SYNJ1: variants seen among roughly 807,000 people sequenced by gnomAD.
SYNJ1 encodes synaptojanin 1.
In SYNJ1, 78 loss-of-function variants were observed where a neutral mutation model predicts 168.2. The observed-to-expected ratio is 0.46, with a 90% confidence interval of 0.39 to 0.56. The LOEUF is 0.56. Ranked by LOEUF, SYNJ1 falls within the 20% of genes least tolerant of loss-of-function variation. SYNJ1 has a pLI of 0.00. For synonymous variants in SYNJ1, 539 were observed against 548.6 expected, an observed-to-expected ratio of 0.98 and a Z score of 0.24; for missense variants, 1,303 against 1,597.6, an observed-to-expected ratio of 0.82 and a Z score of 3.14.
At chr21:32,707,283 CTTTTTTTTT>C (rs367843525) in intron 2 of SYNJ1, among the ~76,000 whole-genome samples, 17 of 130,582 alleles carry the variant, frequency 1.3e-4, no homozygotes, top group Admixed American at 4.7e-4. Flanking sequence ...TTTCTTTTTC[CTTTTTTTTT>C]TTTTTTTTTT....
intron 26 of SYNJ1, among the ~76,000 whole-genome samples, chr21:32,643,830 A>C (rs1487907083): frequency 6.6e-6 from 1 of 152,230 alleles, no homozygotes. Flanking sequence ...AGAAATCATA[A>C]ATTTCTATGA....
intron 16 of SYNJ1, 101 bp downstream of exon 16, chr21:32,666,332 G>C (rs973517223): frequency 4.6e-5 from 69 of 1,500,750 alleles, no homozygotes; most frequent in Non-Finnish European, 6.1e-5. Flanking sequence ...AAGAACTATG[G>C]ATAGTTTTTG....
rs111811958 is a variant in SYNJ1, at chr21:32,703,736, TA to T, written c.125-1690del. Among the ~76,000 whole-genome samples, 11 of 151,886 alleles carry T rather than the reference TA, an allele frequency of 7.2e-5. 1 individual carries two copies. Among genetic ancestry groups the T allele is most frequent in the East Asian group, 3.9e-4 (2 of 5,180 alleles). On this transcript the variant is annotated intron_variant, in intron 2 of 32. Transcript: ENST00000674351. The stretch of plus-strand genomic sequence containing the variant: ...GAAAATATAGTTTTATTTTTATTTT[TA>T]TTTTTTTTTTTTGAGACAGAGGCTG...
intron 6 of SYNJ1, among the ~76,000 whole-genome samples, chr21:32,693,972 TATAA>T (rs1259529902): frequency 6.6e-6 from 1 of 152,150 alleles, no homozygotes; most frequent in Non-Finnish European, 1.5e-5. Flanking sequence ...ATCAATACAC[TATAA>T]AGACTTCAAA....
At chr21:32,661,708 A>G (rs1355800275) in intron 18 of SYNJ1, among the ~76,000 whole-genome samples, 1 of 152,168 alleles carries the variant, frequency 6.6e-6, no homozygotes, top group Admixed American at 6.5e-5. Flanking sequence ...AACAGGATTA[A>G]AATGGATACA....
intron 2 of SYNJ1, among the ~76,000 whole-genome samples, chr21:32,705,378 C>T (rs766597468): frequency 2.6e-5 from 4 of 152,146 alleles, no homozygotes; most frequent in Non-Finnish European, 5.9e-5. Context: ...GAACTACTAG[C>T]ATTCCTTGGA....
intron 13 of SYNJ1, among the ~76,000 whole-genome samples, chr21:32,675,348 A>G (rs970006439): frequency 6.6e-6 from 1 of 152,182 alleles, no homozygotes; most frequent in Non-Finnish European, 1.5e-5. Context: ...TTTATTCTTA[A>G]CTGGTGCCAC....
At chr21:32,703,981 G>A (rs369779875) in intron 2 of SYNJ1, among the ~76,000 whole-genome samples, 4 of 152,136 alleles carry the variant, frequency 2.6e-5, no homozygotes, top group Admixed American at 6.5e-5. Flanking sequence ...TGAGCCTCTC[G>A]AAGTGCTAGG....
chr21:32,720,188 G>A (rs1212723572), intron 2 of SYNJ1, among the ~76,000 whole-genome samples: 2 of 152,136 alleles, frequency 1.3e-5, no homozygotes, highest in African/African-American at 2.4e-5. Flanking sequence ...GCAGTGAGCC[G>A]AGATCGCACC....
intron 14 of SYNJ1, among the ~76,000 whole-genome samples, chr21:32,673,001 T>C (rs571680101): frequency 4.7e-4 from 71 of 152,158 alleles, no homozygotes; most frequent in Non-Finnish European, 9.3e-4. Flanking sequence ...TCTTGGTTTA[T>C]GTCCATTTAA....
At chr21:32,724,271 T>C (rs2043362467) in intron 2 of SYNJ1, among the ~76,000 whole-genome samples, 1 of 152,210 alleles carries the variant, frequency 6.6e-6, no homozygotes, top group Non-Finnish European at 1.5e-5. Context: ...GCGAATCACC[T>C]GAGGTCAGGA....
chr21:32,699,606 C>G (rs2042327547), intron 4 of SYNJ1, among the ~76,000 whole-genome samples: 1 of 152,152 alleles, frequency 6.6e-6, no homozygotes, highest in Admixed American at 6.5e-5. Context: ...CGTGCCTGCT[C>G]ATATCTGACT....
chr21:32,699,854 C>A lies in SYNJ1; in HGVS notation c.463G>T (p.Asp155Tyr). The A allele has an allele frequency of 1.2e-6, 2 of 1,611,668 alleles. No homozygotes were observed. Among genetic ancestry groups the A allele is most frequent in the South Asian group, 2.2e-5 (2 of 90,678 alleles). ...TGAACTCACCAGAAAAATCTATTAT[C>A]AGTTGTCTGTTCTTGCATGCTACGA... ...AHRSMQEQTT[D>Y]NRFFWNQSLH... The change falls in exon 4 of 33, where the codon GAT becomes TAT. Residue 155 changes from aspartate (D) to tyrosine (Y), a missense_variant. This residue lies in a region of SYNJ1 where 920 missense variants were observed against 1,208.8 expected (regional missense o/e 0.76). Coordinates refer to ENST00000674351, the MANE Select transcript of SYNJ1 (RefSeq NM_203446.3).
chr21:32,698,211 T>A (rs1224996009), intron 4 of SYNJ1, among the ~76,000 whole-genome samples: 2 of 151,998 alleles, frequency 1.3e-5, no homozygotes, highest in East Asian at 3.8e-4. Context: ...CATAATGCTA[T>A]AAACCCTGTT....
chr21:32,638,982 C>G lies in SYNJ1; in HGVS notation c.3841G>C (p.Glu1281Gln). 1 of 1,613,792 alleles carries G rather than the reference C, an allele frequency of 6.2e-7. No individual in the cohort carries two copies. The highest frequency in any genetic ancestry group is 8.5e-7 in the Non-Finnish European group (1 of 1,179,870). ...CGAGGTGGTGGTTGTGGTGGGGTTT[C>G]CAAATTTGGCTGGGGGCCAGACTGA... The part of the protein sequence containing the change: ...MPQSGPQPNL[E>Q]TPPQPPPRSR... The change falls in exon 31 of 33, where the codon GAA becomes CAA. Residue 1281 changes from glutamate to glutamine, a missense_variant. Physicochemically the swap from Glu to Gln is conservative, Grantham distance 29. This residue lies in a region of SYNJ1 where 383 missense variants were observed against 388.8 expected (regional missense o/e 0.99). Coordinates refer to ENST00000674351, the MANE Select transcript of SYNJ1 (RefSeq NM_203446.3).
chr21:32,716,459 CCAGTACT>C (rs2043027391), intron 2 of SYNJ1, among the ~76,000 whole-genome samples: 1 of 152,198 alleles, frequency 6.6e-6, no homozygotes, highest in Non-Finnish European at 1.5e-5. Flanking sequence ...TTTCTTCCTT[CCAGTACT>C]TTAAAGATGT....
chr21:32,691,378 T>G (rs1289520971), intron 6 of SYNJ1, among the ~76,000 whole-genome samples: 1 of 152,162 alleles, frequency 6.6e-6, no homozygotes, highest in Non-Finnish European at 1.5e-5. Context: ...TCCTGAAGCC[T>G]CCCCAGAAGC....
chr21:32,664,620 C>T (rs962635078), intron 18 of SYNJ1, among the ~76,000 whole-genome samples: 6 of 152,034 alleles, frequency 3.9e-5, no homozygotes, highest in Non-Finnish European at 8.8e-5. Context: ...GCTGTAAGCC[C>T]TTAAAAGGGA....
At position 32,637,413 on chromosome 21, in the gene SYNJ1, T is replaced by C. The variant is rs184200263; in HGVS notation, c.3915+1495A>G. 1.2e-4 allele frequency among the ~76,000 whole-genome samples: 17 copies of C among 142,568 alleles called. No homozygotes were observed. The South Asian group carries it at 1.6e-3, about 13-fold the overall frequency. The allele number at this position is 142,568 out of a possible 152,430, so 93.5% of individuals were successfully genotyped here. On this transcript the variant is annotated intron_variant, in intron 31 of 32. Transcript: ENST00000674351. ...CCTCAATTTTTCTTTTTTCTTTTTTTTTTTTTTTTTTTTGAGATGGAGTCT... is the reference window on the plus strand; with the variant it reads ...CCTCAATTTTTCTTTTTTCTTTTTTCTTTTTTTTTTTTTGAGATGGAGTCT...
Sources: gnomAD v4.1 joint callset for allele counts (sites outside exome capture counted in the v4.1 genomes callset) on GRCh38, gnomAD v4.1.1 for gene constraint, gnomAD v4.1.1 regional missense constraint, MANE v1.5 for transcripts, NCBI Gene and HGNC (gene_info 2026-07-23, HGNC 2026-07-21) for gene names.